The following EEFSEC variants were observed in gnomAD, a reference collection of about 807,000 sequenced individuals.
EEFSEC encodes eukaryotic elongation factor, selenocysteine-tRNA specific.
In EEFSEC, 43 loss-of-function variants were observed where a neutral mutation model predicts 42.1. The ratio of observed to expected loss-of-function variants is 1.02; its 90% CI spans 0.80 to 1.32. The LOEUF is 1.32. Ranked by LOEUF, EEFSEC falls within the 40% of genes most tolerant of loss-of-function variation. The pLI is 0.00. For missense variants in EEFSEC, 745 were observed against 803.6 expected, an observed-to-expected ratio of 0.93 and a Z score of 0.88; for synonymous variants, 354 against 339.1, an observed-to-expected ratio of 1.04 and a Z score of -0.48.
intron 1 of EEFSEC, among the ~76,000 whole-genome samples, chr3:128,206,676 C>T (rs898417413): frequency 6.6e-6 from 1 of 152,176 alleles, no homozygotes; most frequent in Non-Finnish European, 1.5e-5. Flanking sequence ...ATAATAATCA[C>T]CTTTATGATT....
At chr3:128,378,511 T>G (rs2067735591) in intron 6 of EEFSEC, among the ~76,000 whole-genome samples, 2 of 152,198 alleles carry the variant, frequency 1.3e-5, no homozygotes, top group Admixed American at 1.3e-4. Flanking sequence ...AGGAGGGAGA[T>G]AAGCCCACCT....
At position 128,241,201 on chromosome 3, in the gene EEFSEC, C is replaced by T. The variant is rs6809772; in HGVS notation, c.317-5635C>T. Among the ~76,000 whole-genome samples, 601 of 80,744 alleles carry T rather than the reference C, an allele frequency of 7.4e-3. 6 individuals are homozygous for T. The highest frequency in any genetic ancestry group is 0.012 in the Middle Eastern group (1 of 82). The allele number at this position is 80,744 out of a possible 152,430, so 53.0% of individuals were successfully genotyped here. The stretch of plus-strand genomic sequence containing the variant: ...AAGCCTTTGTCCTCTCTCTCTCTCT[C>T]TTTTTTTTTTTTTTTTTTTTTTTGA... On this transcript the variant is annotated intron_variant, in intron 1 of 6. Coordinates refer to ENST00000254730, the MANE Select transcript of EEFSEC (RefSeq NM_021937.5).
At chr3:128,301,388 G>A (rs1380330946) in intron 4 of EEFSEC, among the ~76,000 whole-genome samples, 1 of 152,172 alleles carries the variant, frequency 6.6e-6, no homozygotes, top group African/African-American at 2.4e-5. Context: ...TCATGCCTAG[G>A]CTGTGAACCT....
In EEFSEC at chr3:128,408,346, C is replaced by G. The variant is rs922908026; in HGVS notation, c.*87C>G. 3.0e-6 allele frequency: 4 copies of G among 1,348,188 alleles called. No individual in the cohort carries two copies. Among genetic ancestry groups the G allele is most frequent in the Non-Finnish European group, 3.0e-6 (3 of 989,096 alleles). The allele number at this position is 1,348,188 out of a possible 1,614,324, so 83.5% of individuals were successfully genotyped here. The stretch of plus-strand genomic sequence containing the variant: ...CCCAACCAGCCACGCCTCAGCCTCT[C>G]CCAGTCTCTCCCTGCAGTCCTGCAG... On this transcript the variant is annotated 3_prime_UTR_variant, in exon 7 of 7. Transcript: ENST00000254730.
At chr3:128,227,938 C>T (rs947697978) in intron 1 of EEFSEC, among the ~76,000 whole-genome samples, 20 of 152,220 alleles carry the variant, frequency 1.3e-4, no homozygotes, top group African/African-American at 2.4e-5. Context: ...TTTCTCTTGG[C>T]ACAGCCGCTT....
chr3:128,338,922 G>T (rs191031386), intron 4 of EEFSEC, among the ~76,000 whole-genome samples: 145 of 152,284 alleles, frequency 9.5e-4, no homozygotes, highest in African/African-American at 3.2e-3. Flanking sequence ...TGAGGTAGAC[G>T]ATGGGAGCCC....
At chr3:128,196,897 T>A (rs970599656) in intron 1 of EEFSEC, among the ~76,000 whole-genome samples, 1 of 152,248 alleles carries the variant, frequency 6.6e-6, no homozygotes, top group Non-Finnish European at 1.5e-5. Flanking sequence ...TTATTATTGG[T>A]GACAGCAGTG....
chr3:128,408,339 A>G lies in EEFSEC; in HGVS notation c.*80A>G. 1 of 1,401,168 alleles carries G rather than the reference A, an allele frequency of 7.1e-7. No individual in the cohort carries two copies. The highest frequency in any genetic ancestry group is 9.7e-7 in the Non-Finnish European group (1 of 1,035,594). 86.8% of individuals were successfully genotyped at this position (1,401,168 alleles called of 1,614,324 possible). ...GCCAAATCCCAACCAGCCACGCCTC[A>G]GCCTCTCCCAGTCTCTCCCTGCAGT... On this transcript the variant is annotated 3_prime_UTR_variant, in exon 7 of 7. Coordinates refer to ENST00000254730, the MANE Select transcript of EEFSEC (RefSeq NM_021937.5).
intron 1 of EEFSEC, among the ~76,000 whole-genome samples, chr3:128,235,012 T>C (rs924711929): frequency 2.0e-5 from 3 of 152,220 alleles, no homozygotes; most frequent in African/African-American, 7.2e-5. Flanking sequence ...TTATGGTAAA[T>C]TATGCTGGTT....
At chr3:128,402,824 G>T (rs1275648289) in intron 6 of EEFSEC, among the ~76,000 whole-genome samples, 2 of 152,100 alleles carry the variant, frequency 1.3e-5, no homozygotes, top group Non-Finnish European at 2.9e-5. Flanking sequence ...GCCCCAGCAG[G>T]GTCTCCTCCA....
At chr3:128,271,198 T>C (rs2066409106) in intron 4 of EEFSEC, among the ~76,000 whole-genome samples, 1 of 152,190 alleles carries the variant, frequency 6.6e-6, no homozygotes, top group African/African-American at 2.4e-5. Flanking sequence ...TCTTCAAGGC[T>C]GCATCCTGAT....
At chr3:128,264,842 C>A in intron 4 of EEFSEC, 61 bp downstream of exon 4, 1 of 1,552,006 alleles carries the variant, frequency 6.4e-7, no homozygotes, top group Non-Finnish European at 8.7e-7. Context: ...GGGGGACTGT[C>A]CCTTTGTCTG....
downstream of EEFSEC, among the ~76,000 whole-genome samples, chr3:128,413,564 C>T (rs1576716445): frequency 6.6e-6 from 1 of 152,324 alleles, no homozygotes; most frequent in East Asian, 1.9e-4. Context: ...ATGGCCACAC[C>T]CCTGGAGCCC....
At chr3:128,295,836 A>G (rs773984771) in intron 4 of EEFSEC, among the ~76,000 whole-genome samples, 11 of 152,180 alleles carry the variant, frequency 7.2e-5, no homozygotes, top group South Asian at 2.1e-4. Flanking sequence ...AACCTTCCTC[A>G]GCCCATTCAT....
chr3:128,407,318 A>T (rs2068127955), intron 6 of EEFSEC, among the ~76,000 whole-genome samples: 1 of 152,232 alleles, frequency 6.6e-6, no homozygotes, highest in African/African-American at 2.4e-5. Context: ...GGGGCTGCGT[A>T]TACCCCTGGC....
At chr3:128,332,331 G>A (rs1270453313) in intron 4 of EEFSEC, among the ~76,000 whole-genome samples, 2 of 152,224 alleles carry the variant, frequency 1.3e-5, no homozygotes, top group Admixed American at 6.5e-5. Flanking sequence ...TCCCTTATCC[G>A]AAATGCTTGG....
chr3:128,297,516 G>A (rs1231167319), intron 4 of EEFSEC, among the ~76,000 whole-genome samples: 2 of 152,182 alleles, frequency 1.3e-5, no homozygotes, highest in African/African-American at 4.8e-5. Context: ...TGAGAGCAGT[G>A]TCTGGTTGTG....
intron 1 of EEFSEC, among the ~76,000 whole-genome samples, chr3:128,233,261 A>G (rs994135613): frequency 2.0e-5 from 3 of 152,218 alleles, no homozygotes; most frequent in African/African-American, 7.2e-5. Flanking sequence ...ATTTCTCCTT[A>G]ACGCAAATTT....
chr3:128,380,652 G>A (rs939569880), intron 6 of EEFSEC, among the ~76,000 whole-genome samples: 1 of 152,238 alleles, frequency 6.6e-6, no homozygotes, highest in African/African-American at 2.4e-5. Context: ...GAACACTGAT[G>A]TTTTCTTTGT....
Sources: gnomAD v4.1 joint callset for allele counts (sites outside exome capture counted in the v4.1 genomes callset) on GRCh38, gnomAD v4.1.1 for gene constraint, MANE v1.5 for transcripts, NCBI Gene and HGNC (gene_info 2026-07-23, HGNC 2026-07-21) for gene names.